GLIS3: variants seen among roughly 807,000 people sequenced by gnomAD.
The protein encoded by GLIS3 is zinc finger protein GLIS3.
In GLIS3, 53 loss-of-function variants were observed where a neutral mutation model predicts 78.6. The ratio of observed to expected loss-of-function variants is 0.67; its 90% confidence interval spans 0.54 to 0.85. The LOEUF is 0.85. Among genes scored for constraint, GLIS3 ranks in the 40% least tolerant of loss-of-function variants. The pLI is 0.00. For missense variants in GLIS3, 1,703 were observed against 1,231.1 expected (o/e 1.38, Z -5.74); for synonymous variants, 684 against 509.9 (o/e 1.34, Z -4.60).
At position 3,926,913 on chromosome 9, in the gene GLIS3, T is replaced by C. The variant is rs373418066; in HGVS notation, c.1983+5447A>G. Among the ~76,000 whole-genome samples, 183 of 152,272 alleles carry C rather than the reference T, an allele frequency of 1.2e-3. 1 individual carries two copies. In the Middle Eastern group the frequency reaches 0.014, roughly 11 times the overall value. On this transcript the variant is annotated intron_variant, in intron 6 of 10. Coordinates refer to ENST00000381971, the MANE Select transcript of GLIS3 (RefSeq NM_001042413.2). ...GTGCTGGGATTACAGGCGTGAGCCATTGGGCCTGGCCTCATTTCTAAATTA... is the reference window on the plus strand; with the variant it reads ...GTGCTGGGATTACAGGCGTGAGCCACTGGGCCTGGCCTCATTTCTAAATTA...
At chr9:4,028,504 G>A (rs1823536264) in intron 4 of GLIS3, among the ~76,000 whole-genome samples, 1 of 151,958 alleles carries the variant, frequency 6.6e-6, no homozygotes, top group Admixed American at 6.6e-5. Context: ...TGGTTATTGA[G>A]GTATAACATT....
At chr9:3,911,509 C>T (rs542175140) in intron 6 of GLIS3, among the ~76,000 whole-genome samples, 2 of 152,160 alleles carry the variant, frequency 1.3e-5, no homozygotes, top group East Asian at 3.9e-4. Flanking sequence ...AAATGTCTGC[C>T]CCAAACTAAG....
At chr9:3,914,140 CTT>C (rs1215140441) in intron 6 of GLIS3, among the ~76,000 whole-genome samples, 24 of 2,152 alleles carry the variant, frequency 0.011, no homozygotes, top group Non-Finnish European at 0.018. Flanking sequence ...TGGGTAGTTT[CTT>C]TCTTTCTTTC....
chr9:4,425,881 T>C, the GLIS3 span, among the ~76,000 whole-genome samples: 1 of 152,108 alleles, frequency 6.6e-6, no homozygotes, highest in Non-Finnish European at 1.5e-5. Context: ...AGTTCTGACT[T>C]TTGCACAACA....
chr9:4,483,131 G>T, the GLIS3 span, among the ~76,000 whole-genome samples: 12 of 152,272 alleles, frequency 7.9e-5, no homozygotes, highest in African/African-American at 2.6e-4. Flanking sequence ...AAGTAAAAAA[G>T]AATCGAAGTT....
the GLIS3 span, among the ~76,000 whole-genome samples, chr9:4,389,270 C>T: frequency 1.3e-5 from 2 of 152,178 alleles, no homozygotes; most frequent in South Asian, 2.1e-4. Context: ...GAAATCAATT[C>T]TCCTAACAGC....
chr9:4,058,027 G>C (rs926025125), intron 4 of GLIS3, among the ~76,000 whole-genome samples: 1 of 152,150 alleles, frequency 6.6e-6, no homozygotes, highest in Non-Finnish European at 1.5e-5. Context: ...CTGGTCTTTT[G>C]AATGAGTGAC....
chr9:4,103,145 C>G (rs1165221303), intron 4 of GLIS3, among the ~76,000 whole-genome samples: 2 of 152,150 alleles, frequency 1.3e-5, no homozygotes, highest in Non-Finnish European at 2.9e-5. Flanking sequence ...ATCATAATCA[C>G]AGTAAACAAA....
chr9:3,862,308 A>G (rs1382729034), intron 8 of GLIS3, among the ~76,000 whole-genome samples: 1 of 152,176 alleles, frequency 6.6e-6, no homozygotes, highest in Non-Finnish European at 1.5e-5. Context: ...ATCATGGGCT[A>G]GTGGGAGAGC....
chr9:4,468,749 T>A, the GLIS3 span, among the ~76,000 whole-genome samples: 1 of 152,190 alleles, frequency 6.6e-6, no homozygotes, highest in Non-Finnish European at 1.5e-5. Flanking sequence ...AATAACCAGC[T>A]AACATCATAA....
chr9:4,200,680 C>T (rs1443881797), intron 2 of GLIS3, among the ~76,000 whole-genome samples: 2 of 151,786 alleles, frequency 1.3e-5, no homozygotes, highest in Admixed American at 1.3e-4. Context: ...CAAAAACAAA[C>T]AGAAAAAATC....
At chr9:4,049,857 T>C (rs1825576977) in intron 4 of GLIS3, among the ~76,000 whole-genome samples, 3 of 152,146 alleles carry the variant, frequency 2.0e-5, no homozygotes, top group Admixed American at 2.0e-4. Flanking sequence ...ATGCTCATCA[T>C]CACTGGCCAT....
intron 9 of GLIS3, among the ~76,000 whole-genome samples, chr9:3,852,755 CAG>C (rs777012570): frequency 6.6e-6 from 1 of 152,032 alleles, no homozygotes; most frequent in African/African-American, 2.4e-5. Context: ...ATGGCTAATA[CAG>C]GGGCACGCCC....
At chr9:4,057,258 A>G (rs1826227157) in intron 4 of GLIS3, among the ~76,000 whole-genome samples, 1 of 152,274 alleles carries the variant, frequency 6.6e-6, no homozygotes, top group South Asian at 2.1e-4. Flanking sequence ...ATACTCTGCC[A>G]TTATCATTTT....
chr9:3,943,099 T>G (rs1050585134), intron 4 of GLIS3, among the ~76,000 whole-genome samples: 8 of 152,216 alleles, frequency 5.3e-5, no homozygotes, highest in Non-Finnish European at 1.0e-4. Context: ...TTGCTTCTCC[T>G]TCGATGGACT....
In GLIS3 at chr9:4,241,399, C is replaced by T. The variant is rs545342832; in HGVS notation, c.388+44639G>A. Among the ~76,000 whole-genome samples, 7 of 152,252 alleles carry T rather than the reference C, an allele frequency of 4.6e-5. No homozygotes were observed. The South Asian group carries it at 1.5e-3, about 32-fold the overall frequency. ...ATAAGACCTAGTGTTTGATACATCA[C>T]TAAGTTGACTATAGTTTAGAATAAT... On this transcript the variant is annotated intron_variant, in intron 2 of 10. Transcript: ENST00000381971.
At chr9:3,989,398 T>C (rs950228516) in intron 4 of GLIS3, among the ~76,000 whole-genome samples, 2 of 152,168 alleles carry the variant, frequency 1.3e-5, no homozygotes, top group Middle Eastern at 3.2e-3. Context: ...TGGATAATTA[T>C]CCAGAGAAAT....
At chr9:3,838,610 G>A (rs1398640975) in intron 9 of GLIS3, among the ~76,000 whole-genome samples, 1 of 152,134 alleles carries the variant, frequency 6.6e-6, no homozygotes, top group Non-Finnish European at 1.5e-5. Context: ...AGGTTTACTT[G>A]GGTCAGTTAG....
the GLIS3 span, among the ~76,000 whole-genome samples, chr9:4,449,086 G>A: frequency 6.5e-4 from 99 of 152,140 alleles, 1 homozygote; most frequent in Non-Finnish European, 6.9e-4. Flanking sequence ...TGTGACAGAC[G>A]GCACCTGGAA....
Sources: gnomAD v4.1 joint callset for allele counts (sites outside exome capture counted in the v4.1 genomes callset) on GRCh38, gnomAD v4.1.1 for gene constraint, MANE v1.5 for transcripts, NCBI Gene and HGNC (gene_info 2026-07-23, HGNC 2026-07-21) for gene names.